ATG2B: variants seen among roughly 807,000 people sequenced by gnomAD.
ATG2B encodes autophagy related 2B.
A neutral mutation model predicts 241.3 loss-of-function variants in ATG2B; 121 were observed. The ratio of observed to expected loss-of-function variants is 0.50; its 90% CI spans 0.43 to 0.58. The LOEUF (loss-of-function observed/expected upper bound fraction) is 0.58, where lower values mean the gene tolerates loss of function less well. Among genes scored for constraint, ATG2B ranks in the 20% least tolerant of loss-of-function variants. The pLI, the probability that ATG2B is intolerant of heterozygous loss-of-function variation, is 0.00. For synonymous variants in ATG2B, 858 were observed against 876.6 expected (o/e 0.98, Z 0.37); for missense variants, 2,306 against 2,491.6 (o/e 0.93, Z 1.59).
chr14:96,349,092 C>T (rs1486018776), intron 1 of ATG2B, among the ~76,000 whole-genome samples: 1 of 152,178 alleles, frequency 6.6e-6, no homozygotes, highest in Non-Finnish European at 1.5e-5. Context: ...AGATTCAAGG[C>T]AGCCCACTTG....
At chr14:96,312,018 A>C (rs1330474120) in intron 26 of ATG2B, 71 bp downstream of exon 26, 5 of 1,156,994 alleles carry the variant, frequency 4.3e-6, no homozygotes, top group Non-Finnish European at 6.4e-6. Context: ...CCAGAGTTAA[A>C]ATGCTTTAAA....
intron 1 of ATG2B, among the ~76,000 whole-genome samples, chr14:96,356,273 C>T (rs1888472579): frequency 6.6e-6 from 1 of 152,024 alleles, no homozygotes; most frequent in Non-Finnish European, 1.5e-5. Context: ...TACATTTACA[C>T]CTGCATTAAA....
At chr14:96,330,652 T>C (rs1360992046) in intron 11 of ATG2B, among the ~76,000 whole-genome samples, 5 of 152,160 alleles carry the variant, frequency 3.3e-5, no homozygotes, top group Middle Eastern at 3.2e-3. Flanking sequence ...TAATCTCAGC[T>C]ACTCAGGAGG....
In ATG2B at chr14:96,285,553, A is replaced by AC. The variant is rs367842673; in HGVS notation, c.*201dup. On this transcript the variant is annotated 3_prime_UTR_variant, in exon 42 of 42. Transcript: ENST00000359933. This position sits in a 1 kb window ranked among gnomAD's most constrained non-coding sequence, Gnocchi z 4.2. Reference sequence around the variant, plus strand: ...AAGGACCTTTGACACCAGCCACCAAACATTTCTATAGGCAAGTATCAACTA... The same window carrying AC: ...AAGGACCTTTGACACCAGCCACCAAACCATTTCTATAGGCAAGTATCAACTA... The AC allele has an allele frequency of 5.1e-6, 3 of 588,396 alleles. No homozygotes were observed. In the African/African-American group the frequency reaches 5.6e-5, roughly 11 times the overall value. The allele number at this position is 588,396 out of a possible 1,614,324, so 36.4% of individuals were successfully genotyped here. A position where few individuals can be genotyped will look rare whatever the true frequency, so the allele number is the denominator to read the frequency against.
At chr14:96,359,140 C>G (rs755101815) in intron 1 of ATG2B, among the ~76,000 whole-genome samples, 1 of 151,854 alleles carries the variant, frequency 6.6e-6, no homozygotes, top group Non-Finnish European at 1.5e-5. Flanking sequence ...GGGAGGCCGA[C>G]ATGGGCAGAC....
At chr14:96,343,948 A>G (rs892306582) in intron 4 of ATG2B, among the ~76,000 whole-genome samples, 1 of 152,262 alleles carries the variant, frequency 6.6e-6, no homozygotes, top group African/African-American at 2.4e-5. Context: ...AGAGACCCCC[A>G]GTAGATCCAT....
chr14:96,345,546 G>A (rs1306692017), intron 2 of ATG2B, among the ~76,000 whole-genome samples, 161 bp from the exon 3 acceptor site: 1 of 151,998 alleles, frequency 6.6e-6, no homozygotes, highest in Non-Finnish European at 1.5e-5. Flanking sequence ...GTACTCTTGA[G>A]ATTTAAAATC....
chr14:96,336,083 A>T (rs1314661369), intron 6 of ATG2B, among the ~76,000 whole-genome samples: 2 of 152,216 alleles, frequency 1.3e-5, no homozygotes, highest in East Asian at 3.9e-4. Context: ...ATTCCTAAAA[A>T]CATAGGCTAA....
intron 5 of ATG2B, 86 bp from the exon 6 acceptor site, chr14:96,341,787 A>G: frequency 9.3e-7 from 1 of 1,075,866 alleles, no homozygotes; most frequent in South Asian, 2.4e-5. Flanking sequence ...ACTTAAGAAG[A>G]ATAAAATATT....
chr14:96,346,580 T>C (rs140092532), intron 2 of ATG2B, among the ~76,000 whole-genome samples: 19 of 152,286 alleles, frequency 1.2e-4, no homozygotes, highest in South Asian at 1.0e-3. Flanking sequence ...AATTCTGTCA[T>C]TGCATACCAA....
intron 34 of ATG2B, among the ~76,000 whole-genome samples, chr14:96,298,422 A>G (rs143671156): frequency 7.2e-4 from 110 of 152,302 alleles, no homozygotes; most frequent in African/African-American, 2.6e-3. Flanking sequence ...CTACTCTTAT[A>G]TATGTATTTA....
rs373033699 is a variant in ATG2B, at chr14:96,306,749, A to G, written c.4471T>C (p.Phe1491Leu). Residue 1491 changes from phenylalanine to leucine, a missense_variant, in exon 30 of 42, where the codon TTT becomes CTT. Around this residue, in one of 2 missense-constraint regions of ATG2B, gnomAD observed 1,927 missense variants for 2,011.2 expected, o/e 0.96. Coordinates refer to ENST00000359933, the MANE Select transcript of ATG2B (RefSeq NM_018036.7). Reference sequence around the variant, plus strand: ...GCTTTTGGTGCAAAAAGAATGCAAAAGTCATCATTCTCAGTGGGCACACCT... The same window carrying G: ...GCTTTTGGTGCAAAAAGAATGCAAAGGTCATCATTCTCAGTGGGCACACCT... ...MTGVPTENDD[F>L]CILFAPKAAM... 1 of 1,613,930 alleles carries G rather than the reference A, an allele frequency of 6.2e-7. No homozygotes were observed. The highest frequency in any genetic ancestry group is 2.2e-5 in the East Asian group (1 of 44,900).
intron 6 of ATG2B, among the ~76,000 whole-genome samples, chr14:96,338,015 T>G (rs1887910632): frequency 6.6e-6 from 1 of 152,108 alleles, no homozygotes; most frequent in Non-Finnish European, 1.5e-5. Context: ...GCCTAGGTAT[T>G]GTATTTTATT....
chr14:96,323,699 A>C (rs752041868), intron 16 of ATG2B, among the ~76,000 whole-genome samples, 197 bp downstream of exon 16: 8 of 152,248 alleles, frequency 5.3e-5, no homozygotes, highest in Non-Finnish European at 1.0e-4. Flanking sequence ...CAAGGCAGGC[A>C]GAAAAATAGC....
Position 96,331,415 on chromosome 14 carries a change from C to G in ATG2B, c.1691G>C (p.Arg564Pro), listed in dbSNP as rs780818752. ...RFSTEDFKSF[R>P]AVFAEACSHD... ...TGAGCAAGCTTCTGCAAACACTGCT[C>G]GGAAAGACTTAAAATCTTCTGTTGA... Residue 564 changes from arginine to proline, a missense_variant, in exon 11 of 42, where the codon CGA becomes CCA. Arg to Pro is a moderately radical substitution (Grantham distance 103). This residue lies in a region of ATG2B where 1,927 missense variants were observed against 2,011.2 expected (regional missense o/e 0.96). Transcript: ENST00000359933. 1.9e-6 allele frequency: 3 copies of G among 1,613,842 alleles called. No individual in the cohort carries two copies. The highest frequency in any genetic ancestry group is 1.7e-6 in the Non-Finnish European group (2 of 1,179,966).
In ATG2B at chr14:96,328,540, T is replaced by TTA; in HGVS notation, c.1975-6_1975-5insTA. The TTA allele has an allele frequency of 8.6e-7, 1 of 1,162,296 alleles. No homozygotes were observed. The highest frequency in any genetic ancestry group is 3.0e-5 in the East Asian group (1 of 33,680). The allele number at this position is 1,162,296 out of a possible 1,614,324, so 72.0% of individuals were successfully genotyped here. ...ACTAAGTCTTGCTTGATTACCCTTTTAAAAAAAAAAAAGAAAAGGCATTAA... is the reference window on the plus strand; with the variant it reads ...ACTAAGTCTTGCTTGATTACCCTTTTTAAAAAAAAAAAAAGAAAAGGCATTAA... On this transcript the variant is annotated splice_polypyrimidine_tract_variant and splice_region_variant and intron_variant, in intron 13 of 41. Coordinates refer to ENST00000359933, the MANE Select transcript of ATG2B (RefSeq NM_018036.7).
At chr14:96,312,490 C>T (rs1887188298) in intron 25 of ATG2B, among the ~76,000 whole-genome samples, 1 of 152,064 alleles carries the variant, frequency 6.6e-6, no homozygotes, top group African/African-American at 2.4e-5. Flanking sequence ...ACCTGTAATC[C>T]CAGCCGTTTG....
In ATG2B at chr14:96,280,373, C is replaced by G. The variant is rs1458762499; in HGVS notation, c.*5382G>C. ...TGAACCTGTCTCCTCATCTGGAAAA[C>G]AGGGACTCTAGTAACTGCCTCTGAG... On this transcript the variant is annotated 3_prime_UTR_variant, in exon 42 of 42. Coordinates refer to ENST00000359933, the MANE Select transcript of ATG2B (RefSeq NM_018036.7). 6.6e-6 allele frequency: 1 copy of G among 152,196 alleles called. No homozygotes were observed. The highest frequency in any genetic ancestry group is 2.4e-5 in the African/African-American group (1 of 41,428). The allele number at this position is 152,196 out of a possible 1,614,324, so 9.4% of individuals were successfully genotyped here. A position where few individuals can be genotyped will look rare whatever the true frequency, so the allele number is the denominator to read the frequency against.
At chr14:96,343,063 T>C (rs1357098750) in intron 5 of ATG2B, 56 bp downstream of exon 5, 5 of 1,397,616 alleles carry the variant, frequency 3.6e-6, no homozygotes, top group Non-Finnish European at 4.7e-6. Flanking sequence ...ATAGCCCCCA[T>C]TTAAACCTTT....
Sources: allele counts gnomAD v4.1 joint callset (sites outside exome capture counted in the v4.1 genomes callset), GRCh38; gene constraint gnomAD v4.1.1; regional missense constraint gnomAD v4.1.1; non-coding constraint Gnocchi (gnomAD v3.1); transcripts MANE v1.5; gene names NCBI Gene and HGNC (gene_info 2026-07-23, HGNC 2026-07-21).